The following NUDCD3 variants were observed in gnomAD, a reference collection of about 807,000 sequenced individuals.
The protein encoded by NUDCD3 is nudC domain-containing protein 3.
Under a neutral mutation model 39.7 loss-of-function variants are expected in NUDCD3, and 13 were observed. The observed-to-expected ratio is 0.33, with a 90% CI of 0.21 to 0.52. NUDCD3 has a LOEUF of 0.52. Among genes scored for constraint, NUDCD3 ranks in the 20% least tolerant of loss-of-function variants. The probability of loss-of-function intolerance (pLI) is 0.96; values close to 1 mark genes in which losing one functional copy is unlikely to be tolerated. For missense variants in NUDCD3, 453 were observed against 458.1 expected (o/e 0.99, Z 0.10); for synonymous variants, 175 against 172.4 (o/e 1.02, Z -0.12).
intron 3 of NUDCD3, among the ~76,000 whole-genome samples, chr7:44,416,210 A>G (rs866152007): frequency 5.3e-5 from 8 of 152,254 alleles, no homozygotes; most frequent in Middle Eastern, 6.8e-3. Context: ...CTGCCTCCCA[A>G]GTAGCTAGGA....
At chr7:44,436,771 T>C (rs561791259) in intron 2 of NUDCD3, among the ~76,000 whole-genome samples, 35 of 152,358 alleles carry the variant, frequency 2.3e-4, no homozygotes, top group Middle Eastern at 3.4e-3. Context: ...TGTAATTTCT[T>C]TGATGTGTAG....
intron 2 of NUDCD3, among the ~76,000 whole-genome samples, chr7:44,434,575 T>G (rs1425497752): frequency 6.6e-6 from 1 of 152,122 alleles, no homozygotes; most frequent in African/African-American, 2.4e-5. Context: ...CCCCGCAATA[T>G]CAGGCCAACT....
At chr7:44,461,369 T>C (rs144385454) in intron 2 of NUDCD3, among the ~76,000 whole-genome samples, 29 of 152,220 alleles carry the variant, frequency 1.9e-4, no homozygotes, top group Admixed American at 6.5e-4. Context: ...TGAAACATCA[T>C]AGAAGGTATG....
rs775125688 is a variant in NUDCD3, at chr7:44,485,152, C to A, written c.325G>T (p.Val109Phe). The A allele has an allele frequency of 6.2e-7, 1 of 1,614,230 alleles. No individual in the cohort carries two copies. The highest frequency in any genetic ancestry group is 8.5e-7 in the Non-Finnish European group (1 of 1,180,044). The change falls in exon 2 of 6, where the codon GTC (valine) becomes TTC (phenylalanine). Residue 109 changes from valine to phenylalanine, a missense_variant. Physicochemically the swap from Val to Phe is conservative, Grantham distance 50. Transcript: ENST00000355451. Reference protein sequence around the residue: ...VSAAAAEKEPVPVPVQEIEID... With the variant: ...VSAAAAEKEPFPVPVQEIEID... ...TCTATTTCCTGGACTGGAACTGGGA[C>A]TGGCTCCTTCTCAGCTGCAGCAGCT... is the stretch of plus-strand genomic sequence containing the variant.
At chr7:44,388,564 A>T (rs1445008056) in intron 5 of NUDCD3, among the ~76,000 whole-genome samples, 3 of 152,244 alleles carry the variant, frequency 2.0e-5, no homozygotes, top group Non-Finnish European at 2.9e-5. Context: ...ACCCTGCCCC[A>T]GACACTGTCA....
In NUDCD3 at chr7:44,384,146, A is replaced by G. The variant is rs1414030947; in HGVS notation, c.*1865T>C. ...GTAGGGCATCTCACACCACTGCATC[A>G]CTTCTGGAAGACTACCCACAGGGTG... On this transcript the variant is annotated 3_prime_UTR_variant, in exon 6 of 6. Transcript: ENST00000355451. 1 of 152,226 alleles carries G rather than the reference A, an allele frequency of 6.6e-6. No homozygotes were observed. Among genetic ancestry groups the G allele is most frequent in the Non-Finnish European group, 1.5e-5 (1 of 68,060 alleles). 9.4% of individuals were successfully genotyped at this position (152,226 alleles called of 1,614,324 possible).
At chr7:44,458,157 T>C (rs1799938700) in intron 2 of NUDCD3, among the ~76,000 whole-genome samples, 2 of 152,172 alleles carry the variant, frequency 1.3e-5, no homozygotes, top group African/African-American at 4.8e-5. Flanking sequence ...TACTGATAAA[T>C]GCTACAACAT....
chr7:44,447,723 T>G (rs1434181013), intron 2 of NUDCD3, among the ~76,000 whole-genome samples: 1 of 152,190 alleles, frequency 6.6e-6, no homozygotes, highest in Non-Finnish European at 1.5e-5. Context: ...GCAGCCCAAA[T>G]GAACTGAAAC....
rs201003414 is a variant in NUDCD3, at chr7:44,404,520, C to T, written c.706G>A (p.Val236Ile). 6.4e-5 allele frequency: 104 copies of T among 1,613,836 alleles called. No individual in the cohort carries two copies. Among genetic ancestry groups the T allele is most frequent in the African/African-American group, 4.7e-4 (35 of 74,854 alleles). The change falls in exon 4 of 6, where the codon GTC becomes ATC. Residue 236 changes from valine to isoleucine, a missense_variant. By Grantham distance (29) the Val-to-Ile change is conservative (BLOSUM62 3). Transcript: ENST00000355451. ...TGGGTGAGCTTCCCTTCCATGAGGA[C>T]GCGCTCCCCATTTTCCTCCAGCATG... is the stretch of plus-strand genomic sequence containing the variant. ...VAMLEENGER[V>I]LMEGKLTHKI...
intron 2 of NUDCD3, among the ~76,000 whole-genome samples, chr7:44,464,372 C>T (rs969804939): frequency 6.6e-6 from 1 of 152,062 alleles, no homozygotes; most frequent in Non-Finnish European, 1.5e-5. Context: ...TTTCATTTCA[C>T]GGCCTCTGGG....
At chr7:44,391,161 C>T (rs1003269957) in intron 5 of NUDCD3, among the ~76,000 whole-genome samples, 3 of 152,098 alleles carry the variant, frequency 2.0e-5, no homozygotes, top group Non-Finnish European at 4.4e-5. Flanking sequence ...AAAACAAAAA[C>T]AAAAACAAAA....
At chr7:44,397,137 C>T (rs1339961487) in intron 4 of NUDCD3, among the ~76,000 whole-genome samples, 1 of 152,212 alleles carries the variant, frequency 6.6e-6, no homozygotes, top group Admixed American at 6.5e-5. Flanking sequence ...TGCCATCCAG[C>T]ATGTCCGTGT....
rs1798272093 is a variant in NUDCD3 at position 44,379,428 on chromosome 7, T to G, written c.*6583A>C. On this transcript the variant is annotated 3_prime_UTR_variant, in exon 6 of 6. Coordinates refer to ENST00000355451, the MANE Select transcript of NUDCD3 (RefSeq NM_015332.4). ...CAGGGGTGGTCACAGGAGTCCTAGC[T>G]GCTCTGAAGTCGTGAGTGGGGACAG... The G allele has an allele frequency of 6.6e-6, 1 of 152,150 alleles. No homozygotes were observed. The highest frequency in any genetic ancestry group is 2.4e-5 in the African/African-American group (1 of 41,370). 9.4% of individuals were successfully genotyped at this position (152,150 alleles called of 1,614,324 possible).
At chr7:44,468,202 T>C (rs565975924) in intron 2 of NUDCD3, 2 of 1,599,970 alleles carry the variant, frequency 1.3e-6, no homozygotes, top group South Asian at 1.1e-5. Context: ...TCGCTCACAA[T>C]GTTTCCTCCA....
intron 2 of NUDCD3, among the ~76,000 whole-genome samples, chr7:44,471,547 C>G (rs377341914): frequency 1.3e-5 from 2 of 152,052 alleles, no homozygotes; most frequent in Non-Finnish European, 2.9e-5. Flanking sequence ...TGAGTGGCCA[C>G]AAGAAAAGAC....
At chr7:44,399,982 C>T (rs762542670) in intron 4 of NUDCD3, among the ~76,000 whole-genome samples, 8 of 152,164 alleles carry the variant, frequency 5.3e-5, no homozygotes, top group Non-Finnish European at 1.2e-4. Flanking sequence ...GTATATGGAA[C>T]GGCATTCACC....
chr7:44,392,570 T>C, intron 4 of NUDCD3, 85 bp from the exon 5 acceptor site: 25 of 1,231,124 alleles, frequency 2.0e-5, no homozygotes, highest in Non-Finnish European at 2.8e-5. Context: ...CACTGAGGGA[T>C]GGGTGTCCAG....
chr7:44,458,936 CTG>C (rs55947411), intron 2 of NUDCD3, among the ~76,000 whole-genome samples: 2,923 of 115,994 alleles, frequency 0.025, 42 homozygotes, highest in South Asian at 0.044. Context: ...ACGGGGAGTG[CTG>C]TGTGTGTGTG....
intron 4 of NUDCD3, among the ~76,000 whole-genome samples, chr7:44,393,390 T>C (rs1798556727): frequency 6.6e-6 from 1 of 152,276 alleles, no homozygotes; most frequent in East Asian, 1.9e-4. Context: ...GGGTGCTGTA[T>C]GTACCTAGGT....
Sources: allele counts gnomAD v4.1 joint callset (sites outside exome capture counted in the v4.1 genomes callset), GRCh38; gene constraint gnomAD v4.1.1; transcripts MANE v1.5; gene names NCBI Gene and HGNC (gene_info 2026-07-23, HGNC 2026-07-21).